CLOCK: variants seen among roughly 807,000 people sequenced by gnomAD.
CLOCK encodes the protein clock circadian regulator.
CLOCK carries 43 observed loss-of-function variants against 118.4 expected under a neutral mutation model. The observed-to-expected ratio is 0.36, with a 90% CI of 0.28 to 0.47. CLOCK has a LOEUF of 0.47. Ranked by LOEUF, CLOCK falls within the 20% of genes least tolerant of loss-of-function variation. The probability of loss-of-function intolerance (pLI) is 1.00; values close to 1 mark genes in which losing one functional copy is unlikely to be tolerated. For synonymous variants in CLOCK, 326 were observed against 339.2 expected, an observed-to-expected ratio of 0.96 and a Z score of 0.43; for missense variants, 846 against 999.9, an observed-to-expected ratio of 0.85 and a Z score of 2.08.
At chr4:55,506,415 G>A (rs1406044489) in intron 2 of CLOCK, among the ~76,000 whole-genome samples, 1 of 151,472 alleles carries the variant, frequency 6.6e-6, no homozygotes, top group African/African-American at 2.4e-5. Context: ...TTTAAAAGTG[G>A]AATTCTTAAA....
intron 3 of CLOCK, among the ~76,000 whole-genome samples, chr4:55,484,107 AAGG>A (rs751449862): frequency 2.0e-5 from 3 of 152,332 alleles, no homozygotes; most frequent in African/African-American, 4.8e-5. Flanking sequence ...CATGAAAGGA[AAGG>A]AGAATAACCC....
At chr4:55,495,522 T>G (rs561472639) in intron 2 of CLOCK, among the ~76,000 whole-genome samples, 5 of 152,018 alleles carry the variant, frequency 3.3e-5, no homozygotes, top group Non-Finnish European at 7.4e-5. Context: ...CCTAAAACCT[T>G]AGCTTTGACT....
At chr4:55,514,329 A>G (rs935014502) in intron 1 of CLOCK, among the ~76,000 whole-genome samples, 18 of 152,136 alleles carry the variant, frequency 1.2e-4, no homozygotes, top group Non-Finnish European at 2.5e-4. Context: ...TCTTTACTGC[A>G]TTTAGGCTGT....
intron 1 of CLOCK, among the ~76,000 whole-genome samples, chr4:55,525,765 T>A (rs1730140032): frequency 6.6e-6 from 1 of 151,790 alleles, no homozygotes; most frequent in East Asian, 1.9e-4. Flanking sequence ...CCACCACACC[T>A]GGCCAAATAA....
In CLOCK at chr4:55,546,244, G is replaced by A. The variant is rs183091418; in HGVS notation, c.-290+538C>T. 4.9e-3 allele frequency among the ~76,000 whole-genome samples: 748 copies of A among 152,256 alleles called. 7 individuals carry two copies. The highest frequency in any genetic ancestry group is 5.0e-3 in the Non-Finnish European group (338 of 68,000). ...GCTGGAATCGGCCGCAGCTCCGGGC[G>A]CCCTCAAGCCGCCCGGCCCCGCCGT... On this transcript the variant is annotated intron_variant, in intron 1 of 22. Transcript: ENST00000513440.
intron 2 of CLOCK, among the ~76,000 whole-genome samples, chr4:55,496,514 A>C (rs1213016446): frequency 6.6e-6 from 1 of 152,192 alleles, no homozygotes; most frequent in Admixed American, 6.5e-5. Flanking sequence ...CATATTGATA[A>C]GCTATTCTGT....
chr4:55,484,038 A>G (rs1727120912), intron 3 of CLOCK, among the ~76,000 whole-genome samples: 1 of 152,224 alleles, frequency 6.6e-6, no homozygotes, highest in South Asian at 2.1e-4. Context: ...AGAGAAGATT[A>G]AAGATATTAC....
chr4:55,539,908 C>T (rs1320644984), intron 1 of CLOCK, among the ~76,000 whole-genome samples: 1 of 151,856 alleles, frequency 6.6e-6, no homozygotes, highest in South Asian at 2.1e-4. Flanking sequence ...TATAAGTATA[C>T]ATATACTTAT....
chr4:55,536,915 A>G (rs1169966652), intron 1 of CLOCK, among the ~76,000 whole-genome samples: 1 of 152,176 alleles, frequency 6.6e-6, no homozygotes, highest in Non-Finnish European at 1.5e-5. Context: ...ACATTTGTAA[A>G]ACACTCCACC....
chr4:55,462,844 TTGTGTGAG>T (rs1317457660), intron 9 of CLOCK, among the ~76,000 whole-genome samples: 2 of 151,330 alleles, frequency 1.3e-5, no homozygotes, highest in Non-Finnish European at 2.9e-5. Context: ...ACACACAGAT[TTGTGTGAG>T]TGTGTGTGTG....
chr4:55,539,151 T>C (rs1731090878), intron 1 of CLOCK, among the ~76,000 whole-genome samples: 1 of 152,014 alleles, frequency 6.6e-6, no homozygotes, highest in Non-Finnish European at 1.5e-5. Context: ...ATGAGAATCA[T>C]TTGAACCCAG....
chr4:55,447,605 T>C lies in CLOCK; in HGVS notation c.1539+1174A>G, dbSNP rs145898820. On this transcript the variant is annotated intron_variant, in intron 18 of 22. Coordinates refer to ENST00000513440, the MANE Select transcript of CLOCK (RefSeq NM_004898.4). ...CAAAATGTGAGACATGAATGCTTAC[T>C]AACATTTTTGACATAGTAGGTATCC... 3.4e-3 allele frequency among the ~76,000 whole-genome samples: 516 copies of C among 152,310 alleles called. 2 individuals carry two copies. Among genetic ancestry groups the C allele is most frequent in the African/African-American group, 0.011 (471 of 41,566 alleles).
chr4:55,443,667 G>T lies in CLOCK; in HGVS notation c.1902+20C>A, dbSNP rs745780630. The T allele has an allele frequency of 6.3e-7, 1 of 1,594,086 alleles. No individual in the cohort carries two copies. Among genetic ancestry groups the T allele is most frequent in the Admixed American group, 1.7e-5 (1 of 59,968 alleles). ...CCAACCACTGATCACTCCATAGCCC[G>T]CTGTGCTCAGTAACATTACCTGAGT... On this transcript the variant is annotated intron_variant, in intron 20 of 22. Transcript: ENST00000513440.
In CLOCK at chr4:55,479,684, A is replaced by T; in HGVS notation, c.63T>A (p.Ile21=). The change falls in exon 5 of 23, where the codon ATT becomes ATA. Residue 21 remains isoleucine (I), a synonymous_variant. Coordinates refer to ENST00000513440, the MANE Select transcript of CLOCK (RefSeq NM_004898.4). ...CATCTTCTTCCACCAACCCATCAAAAATACTACTGTCATCTCTAAAAGAAA... is the reference window on the plus strand; with the variant it reads ...CATCTTCTTCCACCAACCCATCAAATATACTACTGTCATCTCTAAAAGAAA... ...SSIVDRDDSS[I]FDGLVEEDDK... 1 of 1,612,900 alleles carries T rather than the reference A, an allele frequency of 6.2e-7. No individual in the cohort carries two copies. The highest frequency in any genetic ancestry group is 8.5e-7 in the Non-Finnish European group (1 of 1,179,234).
chr4:55,439,576 G>C (rs760172175), intron 21 of CLOCK, among the ~76,000 whole-genome samples: 5 of 152,124 alleles, frequency 3.3e-5, no homozygotes, highest in Non-Finnish European at 7.4e-5. Context: ...ATCATAAGCA[G>C]CATTATTCAC....
intron 11 of CLOCK, 35 bp from the exon 12 acceptor site, chr4:55,456,335 G>A: frequency 7.5e-7 from 1 of 1,324,574 alleles, no homozygotes; most frequent in African/African-American, 1.5e-5. Flanking sequence ...TAAATACTTT[G>A]TGTCCTTAAG....
intron 1 of CLOCK, among the ~76,000 whole-genome samples, chr4:55,521,176 T>C (rs541383696): frequency 6.6e-6 from 1 of 152,364 alleles, no homozygotes; most frequent in African/African-American, 2.4e-5. Flanking sequence ...ACTACAGTAA[T>C]TTGTGTCCCT....
Position 55,455,967 on chromosome 4 carries a change from A to C in CLOCK, c.912T>G (p.Val304=). The change falls in exon 13 of 23, where the codon GTT becomes GTG. Residue 304 remains valine (V), a synonymous_variant. Transcript: ENST00000513440. The part of the protein sequence containing the change: ...PPIIGYLPFE[V]LGTSGYDYYH... ...AGTAATCATAGCCTGATGTTCCCAGAACTTCAAATGGCAAATACCCTATTA... is the reference window on the plus strand; with the variant it reads ...AGTAATCATAGCCTGATGTTCCCAGCACTTCAAATGGCAAATACCCTATTA... The C allele has an allele frequency of 7.4e-6, 12 of 1,613,726 alleles. No homozygotes were observed. Among genetic ancestry groups the C allele is most frequent in the Non-Finnish European group, 1.0e-5 (12 of 1,179,808 alleles).
intron 2 of CLOCK, among the ~76,000 whole-genome samples, chr4:55,492,628 T>G (rs1727793735): frequency 1.3e-5 from 2 of 152,210 alleles, no homozygotes; most frequent in Middle Eastern, 3.4e-3. Context: ...GTAGATCACT[T>G]GAGGTCATGA....
Sources: gnomAD v4.1 joint callset for allele counts (sites outside exome capture counted in the v4.1 genomes callset) on GRCh38, gnomAD v4.1.1 for gene constraint, MANE v1.5 for transcripts, NCBI Gene and HGNC (gene_info 2026-07-23, HGNC 2026-07-21) for gene names.